The following CNTNAP1 variants were observed in gnomAD, a reference collection of about 807,000 sequenced individuals.
CNTNAP1 encodes the protein contactin-associated protein 1.
Under a neutral mutation model 161.5 loss-of-function variants are expected in CNTNAP1, and 80 were observed. The ratio of observed to expected loss-of-function variants is 0.50; its 90% CI spans 0.41 to 0.60. The LOEUF (loss-of-function observed/expected upper bound fraction) is 0.60. Ranked by LOEUF, CNTNAP1 falls within the 20% of genes least tolerant of loss-of-function variation. CNTNAP1 has a pLI of 0.00. For missense variants in CNTNAP1, 1,464 were observed against 1,854.8 expected (o/e 0.79, Z 3.87); for synonymous variants, 695 against 733.1 (o/e 0.95, Z 0.84).
At position 42,697,265 on chromosome 17, in the gene CNTNAP1, C is replaced by G. The variant is rs371416119; in HGVS notation, c.3475-9C>G. ...CTCATCGCCCTCCCCCTCCCCCTCC[C>G]CACCTCAGGTGGACTACTTCCCACT... On this transcript the variant is annotated splice_polypyrimidine_tract_variant and intron_variant, in intron 20 of 23. Transcript: ENST00000264638. 5.2e-5 allele frequency: 84 copies of G among 1,611,186 alleles called. No individual in the cohort carries two copies. The highest frequency in any genetic ancestry group is 6.8e-5 in the Non-Finnish European group (80 of 1,177,532).
intron 16 of CNTNAP1, 48 bp from the exon 17 acceptor site, chr17:42,692,441 ATGAAGGGTCT>A: frequency 7.0e-7 from 1 of 1,424,012 alleles, no homozygotes; most frequent in Non-Finnish European, 9.8e-7. Flanking sequence ...GCAAGGATCT[ATGAAGGGTCT>A]TGTAGGTCTG....
rs539966924 is a variant in CNTNAP1 at position 42,691,393 on chromosome 17, C to G, written c.2226C>G (p.Asp742Glu). Residue 742 changes from aspartate (D) to glutamate (E), a missense_variant, in exon 15 of 24, where the codon GAC (aspartate) becomes GAG (glutamate). Coordinates refer to ENST00000264638, the MANE Select transcript of CNTNAP1 (RefSeq NM_003632.3). The surrounding 1 kb of genome is among the most constrained non-coding windows in gnomAD (Gnocchi z 4.3). Reference sequence around the variant, plus strand: ...CATCCTGCCCCCACAGGAGAACTGACAAGGGACTGCTGACCTTTGTGGACC... The same window carrying G: ...CATCCTGCCCCCACAGGAGAACTGAGAAGGGACTGCTGACCTTTGTGGACC... ...CDADQPQWRTDKGLLTFVDHL... is the reference protein window; with the variant it reads ...CDADQPQWRTEKGLLTFVDHL... 1 of 1,614,062 alleles carries G rather than the reference C, an allele frequency of 6.2e-7. No individual in the cohort carries two copies. Among genetic ancestry groups the G allele is most frequent in the Non-Finnish European group, 8.5e-7 (1 of 1,179,992 alleles).
At chr17:42,686,479 T>TG (rs1555642244) in intron 6 of CNTNAP1, among the ~76,000 whole-genome samples, 2 of 118,296 alleles carry the variant, frequency 1.7e-5, no homozygotes, top group South Asian at 2.4e-4. Flanking sequence ...GTTTTTTTTT[T>TG]TTTTTTTTTT....
In CNTNAP1 at chr17:42,693,446, T is replaced by C; in HGVS notation, c.2902T>C (p.Cys968Arg). 5 of 1,614,150 alleles carry C rather than the reference T, an allele frequency of 3.1e-6. No homozygotes were observed. The highest frequency in any genetic ancestry group is 4.2e-6 in the Non-Finnish European group (5 of 1,180,006). Residue 968 changes from cysteine to arginine, a missense_variant, in exon 18 of 24, where the codon TGT becomes CGT. This residue lies in a region of CNTNAP1 where 1,383 missense variants were observed against 1,765.0 expected (regional missense o/e 0.78). Coordinates refer to ENST00000264638, the MANE Select transcript of CNTNAP1 (RefSeq NM_003632.3). Reference sequence around the variant, plus strand: ...CCACTGTGCCCACCCTCGGCTCCCCTGTTTCCATGGAGGCCGCTGCGTGGA... The same window carrying C: ...CCACTGTGCCCACCCTCGGCTCCCCCGTTTCCATGGAGGCCGCTGCGTGGA... ...TGHCAHPRLP[C>R]FHGGRCVERY...
At chr17:42,695,309 T>G (rs192233260) in intron 18 of CNTNAP1, among the ~76,000 whole-genome samples, 2 of 152,178 alleles carry the variant, frequency 1.3e-5, no homozygotes, top group African/African-American at 4.8e-5. Flanking sequence ...ATTTGTAAAA[T>G]GCAGGGGTTG....
intron 18 of CNTNAP1, among the ~76,000 whole-genome samples, chr17:42,693,970 T>A (rs2053123930): frequency 6.6e-6 from 1 of 151,974 alleles, no homozygotes; most frequent in Admixed American, 6.6e-5. Context: ...AAGCGATTCT[T>A]TTGCCTCAGC....
At chr17:42,693,105 C>T (rs182442546) in intron 17 of CNTNAP1, among the ~76,000 whole-genome samples, 192 bp from the exon 18 acceptor site, 178 of 152,136 alleles carry the variant, frequency 1.2e-3, no homozygotes, top group East Asian at 2.1e-3. Flanking sequence ...TACAGGCGCC[C>T]GCCACCGTGC....
chr17:42,699,027 T>G lies in CNTNAP1; in HGVS notation c.*117T>G, dbSNP rs539068570. 13 of 837,044 alleles carry G rather than the reference T, an allele frequency of 1.6e-5. No homozygotes were observed. The South Asian group carries it at 2.9e-4, about 19-fold the overall frequency. The allele number at this position is 837,044 out of a possible 1,614,324, so 51.9% of individuals were successfully genotyped here. ...GCTGGCTCTGCTCATCCAGAGGATA[T>G]TCCCCCATCCCCCCCCCATCAAGTT... is the stretch of plus-strand genomic sequence containing the variant. On this transcript the variant is annotated 3_prime_UTR_variant, in exon 24 of 24. Coordinates refer to ENST00000264638, the MANE Select transcript of CNTNAP1 (RefSeq NM_003632.3).
chr17:42,690,108 G>T lies in CNTNAP1; in HGVS notation c.1756G>T (p.Glu586Ter). ...GCCAGCTTTGTATAAGGAATCCTGT[G>T]AGGCTTATCGGCTCAGTGGGAAAAC... ...CHTPLYKESC[E>*]AYRLSGKTSG... Residue 586 changes from glutamate to a stop codon, truncating the protein, a stop_gained, in exon 12 of 24, where the codon GAG becomes TAG. Coordinates refer to ENST00000264638, the MANE Select transcript of CNTNAP1 (RefSeq NM_003632.3). LOFTEE classifies it high-confidence loss of function. 1.2e-6 allele frequency: 2 copies of T among 1,613,948 alleles called. No homozygotes were observed. The highest frequency in any genetic ancestry group is 1.7e-6 in the Non-Finnish European group (2 of 1,179,904).
Position 42,693,433 on chromosome 17 carries a change from C to T in CNTNAP1, c.2889C>T (p.His963=). The T allele has an allele frequency of 6.2e-7, 1 of 1,614,238 alleles. No individual in the cohort carries two copies. Among genetic ancestry groups the T allele is most frequent in the Non-Finnish European group, 8.5e-7 (1 of 1,180,056 alleles). Residue 963 remains histidine, a synonymous_variant, in exon 18 of 24, where the codon CAC becomes CAT. Coordinates refer to ENST00000264638, the MANE Select transcript of CNTNAP1 (RefSeq NM_003632.3). ...TSPNCTGHCA[H]PRLPCFHGGR... ...CCAACTGCACAGGCCACTGTGCCCA[C>T]CCTCGGCTCCCCTGTTTCCATGGAG... is the stretch of plus-strand genomic sequence containing the variant.
rs1164283997 is a variant in CNTNAP1, at chr17:42,699,037, C to G, written c.*127C>G. On this transcript the variant is annotated 3_prime_UTR_variant, in exon 24 of 24. Coordinates refer to ENST00000264638, the MANE Select transcript of CNTNAP1 (RefSeq NM_003632.3). Reference sequence around the variant, plus strand: ...CTCATCCAGAGGATATTCCCCCATCCCCCCCCCATCAAGTTTGGTGGGCAG... The same window carrying G: ...CTCATCCAGAGGATATTCCCCCATCGCCCCCCCATCAAGTTTGGTGGGCAG... 5.5e-6 allele frequency: 4 copies of G among 732,814 alleles called. No homozygotes were observed. Among genetic ancestry groups the G allele is most frequent in the Admixed American group, 3.3e-5 (1 of 30,646 alleles). The allele number at this position is 732,814 out of a possible 1,614,324, so 45.4% of individuals were successfully genotyped here.
chr17:42,682,909 C>T lies in CNTNAP1; in HGVS notation c.67+13C>T. 1 of 1,594,620 alleles carries T rather than the reference C, an allele frequency of 6.3e-7. No individual in the cohort carries two copies. Among genetic ancestry groups the T allele is most frequent in the South Asian group, 1.1e-5 (1 of 88,112 alleles). ...GGCTGGGGCTACTGTGAGTGTTGGG[C>T]TTGGAGGCAGGTGGGGTTGGGCCCA... On this transcript the variant is annotated intron_variant, in intron 1 of 23. Coordinates refer to ENST00000264638, the MANE Select transcript of CNTNAP1 (RefSeq NM_003632.3).
chr17:42,690,773 G>C lies in CNTNAP1; in HGVS notation c.1890G>C (p.Arg630Ser). 6.2e-7 allele frequency: 1 copy of C among 1,614,212 alleles called. No individual in the cohort carries two copies. Among genetic ancestry groups the C allele is most frequent in the Non-Finnish European group, 8.5e-7 (1 of 1,180,034 alleles). The stretch of plus-strand genomic sequence containing the variant: ...CGTGGACAGTTGTGCGGCATGACAG[G>C]CTGTGGACAACTCGAGTGACAGGTT... ...NRAWTVVRHD[R>S]LWTTRVTGSS... is the part of the protein sequence containing the mutation. The change falls in exon 13 of 24, where the codon AGG (arginine) becomes AGC (serine). Residue 630 changes from arginine (R) to serine (S), a missense_variant. This residue lies in a region of CNTNAP1 where 1,383 missense variants were observed against 1,765.0 expected (regional missense o/e 0.78). Transcript: ENST00000264638.
In CNTNAP1 at chr17:42,695,782, C is replaced by T; in HGVS notation, c.3254C>T (p.Ser1085Phe). 1 of 1,614,206 alleles carries T rather than the reference C, an allele frequency of 6.2e-7. No homozygotes were observed. The highest frequency in any genetic ancestry group is 1.7e-5 in the Admixed American group (1 of 60,024). The change falls in exon 19 of 24, where the codon TCC becomes TTC. Residue 1085 changes from serine (S) to phenylalanine (F), a missense_variant. This residue lies in a region of CNTNAP1 where 1,383 missense variants were observed against 1,765.0 expected (regional missense o/e 0.78). Transcript: ENST00000264638. ...PVYNVTGEEVSFSFSTSSAPA... is the reference protein window; with the variant it reads ...PVYNVTGEEVFFSFSTSSAPA... ...TACAACGTTACGGGAGAGGAGGTCT[C>T]CTTCAGCTTCAGCACCAGCTCCGCC...
chr17:42,696,118 A>G lies in CNTNAP1; in HGVS notation c.3440A>G (p.Asn1147Ser), dbSNP rs202209610. The change falls in exon 20 of 24, where the codon AAT (asparagine) becomes AGT (serine). Residue 1147 changes from asparagine (N) to serine (S), a missense_variant. This residue lies in a region of CNTNAP1 where 1,383 missense variants were observed against 1,765.0 expected (regional missense o/e 0.78). Coordinates refer to ENST00000264638, the MANE Select transcript of CNTNAP1 (RefSeq NM_003632.3). The part of the protein sequence containing the change: ...PVTDGQPHSI[N>S]ITRVYRNLFI... The stretch of plus-strand genomic sequence containing the variant: ...ACCGATGGCCAGCCCCATAGCATCA[A>G]TATCACCCGTGTTTACCGGAACCTC... 17 of 1,614,130 alleles carry G rather than the reference A, an allele frequency of 1.1e-5. No homozygotes were observed. The highest frequency in any genetic ancestry group is 1.4e-5 in the Non-Finnish European group (16 of 1,180,020).
rs555838989 is a variant in CNTNAP1 at position 42,686,482 on chromosome 17, T to G, written c.900+341T>G. ...AGAAAAAGGCCTGTTTTTTTTTTTT[T>G]TTTTTTTTTTTGTGGGTGTTGTTGC... On this transcript the variant is annotated intron_variant, in intron 6 of 23. Coordinates refer to ENST00000264638, the MANE Select transcript of CNTNAP1 (RefSeq NM_003632.3). Among the ~76,000 whole-genome samples, 76 of 137,882 alleles carry G rather than the reference T, an allele frequency of 5.5e-4. 6 individuals carry two copies. Among genetic ancestry groups the G allele is most frequent in the East Asian group, 4.0e-4 (2 of 5,010 alleles). 90.5% of individuals were successfully genotyped at this position (137,882 alleles called of 152,430 possible). A position where few individuals can be genotyped will look rare whatever the true frequency, so the allele number is the denominator to read the frequency against.
Position 42,685,877 on chromosome 17 carries a change from C to A in CNTNAP1, c.716-80C>A. 1 of 1,469,114 alleles carries A rather than the reference C, an allele frequency of 6.8e-7. No individual in the cohort carries two copies. The highest frequency in any genetic ancestry group is 9.3e-7 in the Non-Finnish European group (1 of 1,071,686). 91.0% of individuals were successfully genotyped at this position (1,469,114 alleles called of 1,614,324 possible). On this transcript the variant is annotated intron_variant, in intron 5 of 23. Coordinates refer to ENST00000264638, the MANE Select transcript of CNTNAP1 (RefSeq NM_003632.3). The surrounding 1 kb of genome is among the most constrained non-coding windows in gnomAD (Gnocchi z 5.0). ...CCTGATTGCCCTGGGCTTTGTTACACGCTGCTGCTCTGCCTAGGAGCTTGG... is the reference window on the plus strand; with the variant it reads ...CCTGATTGCCCTGGGCTTTGTTACAAGCTGCTGCTCTGCCTAGGAGCTTGG...
Position 42,690,114 on chromosome 17 carries a change from T to C in CNTNAP1, c.1762T>C (p.Tyr588His). 2 of 1,614,048 alleles carry C rather than the reference T, an allele frequency of 1.2e-6. No homozygotes were observed. The highest frequency in any genetic ancestry group is 1.7e-6 in the Non-Finnish European group (2 of 1,179,934). Residue 588 changes from tyrosine to histidine, a missense_variant, in exon 12 of 24, where the codon TAT becomes CAT. Coordinates refer to ENST00000264638, the MANE Select transcript of CNTNAP1 (RefSeq NM_003632.3). ...TPLYKESCEA[Y>H]RLSGKTSGNF... Reference sequence around the variant, plus strand: ...TTTGTATAAGGAATCCTGTGAGGCTTATCGGCTCAGTGGGAAAACTTCTGG... The same window carrying C: ...TTTGTATAAGGAATCCTGTGAGGCTCATCGGCTCAGTGGGAAAACTTCTGG...
In CNTNAP1 at chr17:42,696,098, T is replaced by C. The variant is rs760899955; in HGVS notation, c.3420T>C (p.Asp1140=). 1.2e-5 allele frequency: 19 copies of C among 1,614,008 alleles called. No homozygotes were observed. The highest frequency in any genetic ancestry group is 8.9e-5 in the East Asian group (4 of 44,896). ...VYQLTTRPVT[D]GQPHSINITR... ...AGCTAACCACTCGACCAGTGACCGA[T>C]GGCCAGCCCCATAGCATCAATATCA... Residue 1140 remains aspartate (D), a synonymous_variant, in exon 20 of 24, where the codon GAT becomes GAC. Coordinates refer to ENST00000264638, the MANE Select transcript of CNTNAP1 (RefSeq NM_003632.3).
Sources: gnomAD v4.1 joint callset for allele counts (sites outside exome capture counted in the v4.1 genomes callset) on GRCh38, gnomAD v4.1.1 for gene constraint, gnomAD v4.1.1 regional missense constraint, Gnocchi (gnomAD v3.1) non-coding constraint, MANE v1.5 for transcripts, NCBI Gene and HGNC (gene_info 2026-07-23, HGNC 2026-07-21) for gene names.